Variants in ALX1 observed in about 807,000 individuals in gnomAD.
The protein encoded by ALX1 is ALX homeobox 1.
Under a neutral mutation model 31.7 loss-of-function variants are expected in ALX1, and 19 were observed. That is an observed-to-expected ratio of 0.60 (90% confidence interval 0.42 to 0.88). The LOEUF is 0.88. Ranked by LOEUF, ALX1 falls within the 40% of genes least tolerant of loss-of-function variation. ALX1 has a pLI of 0.00. For synonymous variants in ALX1, 153 were observed against 148.8 expected, an observed-to-expected ratio of 1.03 and a Z score of -0.20; for missense variants, 415 against 407.8, an observed-to-expected ratio of 1.02 and a Z score of -0.15.
intron 3 of ALX1, among the ~76,000 whole-genome samples, chr12:85,290,366 T>G (rs1896803054): frequency 6.6e-6 from 1 of 151,160 alleles, no homozygotes; most frequent in African/African-American, 2.4e-5. Flanking sequence ...CAAAGATCTT[T>G]ATGTAACATT....
At chr12:85,282,082 A>G (rs1050715632) in intron 1 of ALX1, among the ~76,000 whole-genome samples, 3 of 152,146 alleles carry the variant, frequency 2.0e-5, no homozygotes, top group Non-Finnish European at 4.4e-5. Context: ...AGATGCCCTT[A>G]GCCTCTCTGA....
intron 3 of ALX1, among the ~76,000 whole-genome samples, chr12:85,291,921 A>G (rs186297415): frequency 6.6e-6 from 1 of 151,240 alleles, no homozygotes; most frequent in African/African-American, 2.4e-5. Context: ...TCAGTTTAAT[A>G]GCTTTTAGAC....
rs112879561 is a variant in ALX1, at chr12:85,300,183, T to C, written c.661-972T>C. ...TAGCTTGTATATTAAGATTGAGATA[T>C]GTCCTACTTAAAATTCATGTTACAT... On this transcript the variant is annotated intron_variant, in intron 3 of 3. Coordinates refer to ENST00000316824, the MANE Select transcript of ALX1 (RefSeq NM_006982.3). Among the ~76,000 whole-genome samples the C allele has an allele frequency of 3.9e-5, 6 of 152,144 alleles. 1 individual carries two copies. Among genetic ancestry groups the C allele is most frequent in the African/African-American group, 1.4e-4 (6 of 41,556 alleles).
At chr12:85,289,676 A>G (rs1337598936) in intron 3 of ALX1, among the ~76,000 whole-genome samples, 2 of 151,216 alleles carry the variant, frequency 1.3e-5, no homozygotes, top group Non-Finnish European at 3.0e-5. Context: ...GTATTGGTAA[A>G]TCATTTAATG....
At chr12:85,285,944 C>A (rs1593048515) in intron 2 of ALX1, among the ~76,000 whole-genome samples, 1 of 151,802 alleles carries the variant, frequency 6.6e-6, no homozygotes, top group African/African-American at 2.4e-5. Flanking sequence ...ATCCAACCTG[C>A]TGAGGAAGAT....
chr12:85,292,755 A>T (rs1279431275), intron 3 of ALX1, among the ~76,000 whole-genome samples: 1 of 150,964 alleles, frequency 6.6e-6, no homozygotes, highest in African/African-American at 2.4e-5. Flanking sequence ...GGCAGTTTCT[A>T]TATTAATCTT....
At chr12:85,280,761 TG>T (rs1896660760) in intron 1 of ALX1, among the ~76,000 whole-genome samples, 1 of 152,118 alleles carries the variant, frequency 6.6e-6, no homozygotes, top group Non-Finnish European at 1.5e-5. Context: ...TACGGATCCC[TG>T]AGTCCTTCTG....
chr12:85,296,581 T>C (rs1472933534), intron 3 of ALX1, among the ~76,000 whole-genome samples: 1 of 151,612 alleles, frequency 6.6e-6, no homozygotes, highest in Non-Finnish European at 1.5e-5. Context: ...CTAAGTTCCC[T>C]GGACAGAGTT....
At chr12:85,281,615 A>G (rs1258543480) in intron 1 of ALX1, among the ~76,000 whole-genome samples, 5 of 152,252 alleles carry the variant, frequency 3.3e-5, no homozygotes, top group Non-Finnish European at 5.9e-5. Flanking sequence ...TATTTAACTA[A>G]TTTTATTTAA....
intron 3 of ALX1, among the ~76,000 whole-genome samples, chr12:85,299,675 C>A (rs1411758868): frequency 5.3e-5 from 8 of 151,688 alleles, no homozygotes; most frequent in Non-Finnish European, 1.0e-4. Context: ...ACGTTTTGAA[C>A]CTGGTTAATC....
intron 3 of ALX1, 70 bp downstream of exon 3, chr12:85,287,051 C>G (rs1256193433): frequency 6.4e-7 from 1 of 1,559,356 alleles, no homozygotes; most frequent in Non-Finnish European, 8.8e-7. Context: ...AAATGGTTAG[C>G]ATAGGCTTTA....
rs924147832 is a variant in ALX1, at chr12:85,286,731, T to C, written c.532-122T>C. 40 of 930,852 alleles carry C rather than the reference T, an allele frequency of 4.3e-5. No individual in the cohort carries two copies. In the African/African-American group the frequency reaches 5.7e-4, roughly 13 times the overall value. The allele number at this position is 930,852 out of a possible 1,614,324, so 57.7% of individuals were successfully genotyped here. A position where few individuals can be genotyped will look rare whatever the true frequency, so the allele number is the denominator to read the frequency against. On this transcript the variant is annotated intron_variant, in intron 2 of 3. Coordinates refer to ENST00000316824, the MANE Select transcript of ALX1 (RefSeq NM_006982.3). The stretch of plus-strand genomic sequence containing the variant: ...TCTGTGGATCCTTTTCTAACATAAA[T>C]ACATTTCTTTTTACGTAATTTTTTT...
intron 3 of ALX1, among the ~76,000 whole-genome samples, chr12:85,300,354 A>C (rs1896946875): frequency 1.3e-5 from 2 of 152,024 alleles, no homozygotes; most frequent in South Asian, 4.1e-4. Flanking sequence ...TTTCTACTCT[A>C]TAGGAGTACT....
At chr12:85,296,067 T>C (rs1397418646) in intron 3 of ALX1, among the ~76,000 whole-genome samples, 2 of 151,528 alleles carry the variant, frequency 1.3e-5, no homozygotes. Context: ...TCACTATTCT[T>C]TTAAAAGGCT....
rs753930662 is a variant in ALX1, at chr12:85,283,632, T to A, written c.287T>A (p.Met96Lys). The change falls in exon 2 of 4, where the codon ATG becomes AAG. Residue 96 changes from methionine to lysine, a missense_variant. Met to Lys is a moderately conservative substitution (Grantham distance 95, BLOSUM62 -1). Around this residue, in one of 3 missense-constraint regions of ALX1, gnomAD observed 235 missense variants for 208.9 expected, o/e 1.13. Coordinates refer to ENST00000316824, the MANE Select transcript of ALX1 (RefSeq NM_006982.3). ...CTTCACACCGAACTGAATAGAGCTA[T>A]GGACAACTGTAACAGTCTCCGAATG... ...QPLHTELNRAMDNCNSLRMSP... is the reference protein window; with the variant it reads ...QPLHTELNRAKDNCNSLRMSP... 1.3e-5 allele frequency: 21 copies of A among 1,614,152 alleles called. No homozygotes were observed. The Admixed American group carries it at 2.0e-4, about 15-fold the overall frequency.
rs763882178 is a variant in ALX1 at position 85,301,345 on chromosome 12, C to T, written c.851C>T (p.Ser284Phe). The change falls in exon 4 of 4, where the codon TCT becomes TTT. Residue 284 changes from serine to phenylalanine, a missense_variant. Ser to Phe is a radical substitution (Grantham distance 155). Coordinates refer to ENST00000316824, the MANE Select transcript of ALX1 (RefSeq NM_006982.3). ...CCCCTCAACAATTTTTTCACTGACT[C>T]TCTTCTTACTGGGGCAACCAATGGA... ...HVPLNNFFTD[S>F]LLTGATNGHA... is the part of the protein sequence containing the mutation. 1.9e-6 allele frequency: 3 copies of T among 1,614,066 alleles called. No individual in the cohort carries two copies. The highest frequency in any genetic ancestry group is 2.5e-6 in the Non-Finnish European group (3 of 1,179,990).
chr12:85,284,789 T>A (rs1422008586), intron 2 of ALX1, among the ~76,000 whole-genome samples: 1 of 152,134 alleles, frequency 6.6e-6, no homozygotes, highest in Non-Finnish European at 1.5e-5. Flanking sequence ...CCTTGGTCTT[T>A]GTGTGTGTTC....
chr12:85,289,968 A>G (rs1896797522), intron 3 of ALX1, among the ~76,000 whole-genome samples: 1 of 151,062 alleles, frequency 6.6e-6, no homozygotes, highest in Non-Finnish European at 1.5e-5. Context: ...GTGACTGTTA[A>G]TTACAGAAAA....
rs765645567 is a variant in ALX1 at position 85,301,237 on chromosome 12, G to A, written c.743G>A (p.Cys248Tyr). 2 of 1,613,910 alleles carry A rather than the reference G, an allele frequency of 1.2e-6. No individual in the cohort carries two copies. Among genetic ancestry groups the A allele is most frequent in the Admixed American group, 3.3e-5 (2 of 59,984 alleles). Residue 248 changes from cysteine (C) to tyrosine (Y), a missense_variant, in exon 4 of 4, where the codon TGT becomes TAT. Cys to Tyr is a radical substitution (Grantham distance 194). Transcript: ENST00000316824. ...SCMLPRDTSSCMTPYSHSPRT... is the reference protein window; with the variant it reads ...SCMLPRDTSSYMTPYSHSPRT... ...ATGTTACCACGTGACACTTCCTCCT[G>A]TATGACACCTTATTCTCACTCGCCT... is the stretch of plus-strand genomic sequence containing the variant.
Sources: gnomAD v4.1 joint callset for allele counts (sites outside exome capture counted in the v4.1 genomes callset) on GRCh38, gnomAD v4.1.1 for gene constraint, gnomAD v4.1.1 regional missense constraint, MANE v1.5 for transcripts, NCBI Gene and HGNC (gene_info 2026-07-23, HGNC 2026-07-21) for gene names.